The following TNFRSF8 variants were observed in gnomAD, a reference collection of about 807,000 sequenced individuals.
The protein encoded by TNFRSF8 is TNF receptor superfamily member 8.
A neutral mutation model predicts 70.8 loss-of-function variants in TNFRSF8; 26 were observed. That is an observed-to-expected ratio of 0.37 (90% CI 0.27 to 0.51). The LOEUF (loss-of-function observed/expected upper bound fraction) is 0.51, where lower values mean the gene tolerates loss of function less well. TNFRSF8 is among the 20% of genes least tolerant of loss of function. The probability of loss-of-function intolerance (pLI) is 0.94; values close to 1 mark genes in which losing one functional copy is unlikely to be tolerated. For missense variants in TNFRSF8, 720 were observed against 807.9 expected, an observed-to-expected ratio of 0.89 and a Z score of 1.32; for synonymous variants, 356 against 339.2, an observed-to-expected ratio of 1.05 and a Z score of -0.54.
Position 12,142,268 on chromosome 1 carries a change from C to T in TNFRSF8, c.1544-19C>T, listed in dbSNP as rs756073659. 16 of 1,566,898 alleles carry T rather than the reference C, an allele frequency of 1.0e-5. No homozygotes were observed. The East Asian group carries it at 2.3e-4, about 22-fold the overall frequency. On this transcript the variant is annotated intron_variant, in intron 14 of 14. Transcript: ENST00000263932. The surrounding 1 kb of genome is among the most constrained non-coding windows in gnomAD (Gnocchi z 5.0). ...TGGTGCTCTGGCCTCCCTCGCTCAC[C>T]CATCCTTTTGCCTTGCAGAGAAAAT...
chr1:12,073,023 C>CA (rs1309092271), intron 1 of TNFRSF8, among the ~76,000 whole-genome samples: 2 of 152,226 alleles, frequency 1.3e-5, no homozygotes, highest in Non-Finnish European at 2.9e-5. Flanking sequence ...CGCCAAGGCT[C>CA]ACGCCTGTAT....
rs372306901 is a variant in TNFRSF8 at position 12,123,711 on chromosome 1, G to T, written c.1041-4G>T. 3.2e-6 allele frequency: 5 copies of T among 1,557,352 alleles called. No homozygotes were observed. The highest frequency in any genetic ancestry group is 3.5e-6 in the Non-Finnish European group (4 of 1,149,596). On this transcript the variant is annotated splice_region_variant and splice_polypyrimidine_tract_variant and intron_variant, in intron 9 of 14. Transcript: ENST00000263932. ...TCACTCCTGCCTTGGGCTTCTCCCC[G>T]CAGCACCAGCCCCACTCAGAGCTTG...
At chr1:12,073,442 TCTTC>T (rs763960484) in intron 1 of TNFRSF8, among the ~76,000 whole-genome samples, 10 of 147,664 alleles carry the variant, frequency 6.8e-5, no homozygotes, top group South Asian at 2.1e-4. Flanking sequence ...CTCTCTCTTT[TCTTC>T]CTTCCTTCCT....
Position 12,110,309 on chromosome 1 carries a change from T to C in TNFRSF8, c.676+105T>C. 8.3e-7 allele frequency: 1 copy of C among 1,210,376 alleles called. No individual in the cohort carries two copies. The highest frequency in any genetic ancestry group is 1.1e-6 in the Non-Finnish European group (1 of 892,802). The allele number at this position is 1,210,376 out of a possible 1,614,324, so 75.0% of individuals were successfully genotyped here. ...CAGGCGGGCAGTGATCTGTGGTCTT[T>C]TCCTGGTGGGGAGAGAAGACGGTGG... is the stretch of plus-strand genomic sequence containing the variant. On this transcript the variant is annotated intron_variant, in intron 6 of 14. Transcript: ENST00000263932. The surrounding 1 kb of genome is among the most constrained non-coding windows in gnomAD (Gnocchi z 4.0).
intron 1 of TNFRSF8, among the ~76,000 whole-genome samples, chr1:12,064,965 T>C (rs965374653): frequency 4.0e-4 from 61 of 152,028 alleles, no homozygotes; most frequent in Admixed American, 3.7e-3. Context: ...GTGCTTCCTT[T>C]CTGTAGAGTG....
chr1:12,136,242 A>G (rs1642142756), intron 13 of TNFRSF8, among the ~76,000 whole-genome samples: 1 of 152,212 alleles, frequency 6.6e-6, no homozygotes, highest in Non-Finnish European at 1.5e-5. Context: ...GGATGTGACA[A>G]GTGGCTGTTA....
intron 2 of TNFRSF8, 78 bp from the exon 3 acceptor site, chr1:12,097,023 A>C: frequency 9.2e-7 from 1 of 1,084,322 alleles, no homozygotes; most frequent in Non-Finnish European, 1.4e-6. Context: ...GGCGTCAGGG[A>C]TGAGAGGTGT....
chr1:12,108,074 A>AT lies in TNFRSF8; in HGVS notation c.422-1485dup, dbSNP rs199941905. On this transcript the variant is annotated intron_variant, in intron 4 of 14. Transcript: ENST00000263932. The surrounding 1 kb of genome is among the most constrained non-coding windows in gnomAD (Gnocchi z 4.0). ...CGAAGTCCCACACATACAGGCCACC[A>AT]TTTTTTTATTTTTTTTTTTTTTGTG... Among the ~76,000 whole-genome samples the AT allele has an allele frequency of 6.2e-4, 90 of 146,210 alleles. 2 individuals carry two copies. The highest frequency in any genetic ancestry group is 1.9e-3 in the African/African-American group (74 of 39,776).
chr1:12,085,494 C>A (rs1641138987), intron 2 of TNFRSF8, among the ~76,000 whole-genome samples: 1 of 152,226 alleles, frequency 6.6e-6, no homozygotes, highest in African/African-American at 2.4e-5. Context: ...TCAATTAGTC[C>A]TCCTGCCTCA....
chr1:12,096,300 CT>C (rs950296999), intron 2 of TNFRSF8, among the ~76,000 whole-genome samples: 1 of 151,872 alleles, frequency 6.6e-6, no homozygotes, highest in Non-Finnish European at 1.5e-5. Context: ...GGATTAGGGT[CT>C]TAGTGGCAGG....
chr1:12,137,241 T>C (rs951827415), intron 13 of TNFRSF8, among the ~76,000 whole-genome samples: 1 of 152,164 alleles, frequency 6.6e-6, no homozygotes, highest in Non-Finnish European at 1.5e-5. Flanking sequence ...GCTCCTGTTT[T>C]GGGAAAGTAG....
At chr1:12,078,545 C>T (rs112481069) in intron 1 of TNFRSF8, among the ~76,000 whole-genome samples, 2,400 of 152,222 alleles carry the variant, frequency 0.016, 59 homozygotes, top group African/African-American at 0.054. Flanking sequence ...GCTTGGGCGA[C>T]GGAGCGAGTA....
chr1:12,087,368 G>A (rs1212743490), intron 2 of TNFRSF8, among the ~76,000 whole-genome samples: 3 of 151,832 alleles, frequency 2.0e-5, no homozygotes, highest in Admixed American at 6.6e-5. Flanking sequence ...GGGTTTCACC[G>A]TGTTGGCCAG....
In TNFRSF8 at chr1:12,106,808, G is replaced by A. The variant is rs148703954; in HGVS notation, c.421+2277G>A. Among the ~76,000 whole-genome samples the A allele has an allele frequency of 5.3e-3, 808 of 152,242 alleles. 12 individuals are homozygous for A. The highest frequency in any genetic ancestry group is 0.019 in the African/African-American group (774 of 41,550). ...GCAACTGTGGGGCATGTTCCCACCC[G>A]CCTCTGGACCTCGGTCTCCCCATCT... On this transcript the variant is annotated intron_variant, in intron 4 of 14. Coordinates refer to ENST00000263932, the MANE Select transcript of TNFRSF8 (RefSeq NM_001243.5).
At chr1:12,085,213 C>T (rs958394770) in intron 2 of TNFRSF8, among the ~76,000 whole-genome samples, 4 of 152,082 alleles carry the variant, frequency 2.6e-5, no homozygotes, top group Admixed American at 6.5e-5. Context: ...CGGGTTCAAG[C>T]GATTCTCCTG....
rs748628746 is a variant in TNFRSF8 at position 12,126,252 on chromosome 1, T to C, written c.1309+16T>C. 1 of 1,613,870 alleles carries C rather than the reference T, an allele frequency of 6.2e-7. No homozygotes were observed. Among genetic ancestry groups the C allele is most frequent in the Non-Finnish European group, 8.5e-7 (1 of 1,179,972 alleles). ...GAGCTTGTGGGTGAGTGTCCAGCCGTCCAAAGGGGCTGCCCGAGCCAGAGG... is the reference window on the plus strand; with the variant it reads ...GAGCTTGTGGGTGAGTGTCCAGCCGCCCAAAGGGGCTGCCCGAGCCAGAGG... On this transcript the variant is annotated intron_variant, in intron 12 of 14. Transcript: ENST00000263932.
At chr1:12,122,306 C>T (rs1641843897) in intron 8 of TNFRSF8, among the ~76,000 whole-genome samples, 1 of 151,914 alleles carries the variant, frequency 6.6e-6, no homozygotes, top group African/African-American at 2.4e-5. Flanking sequence ...GCTGGGATTA[C>T]AGGCGGGAGC....
intron 3 of TNFRSF8, among the ~76,000 whole-genome samples, chr1:12,100,373 A>G (rs886933536): frequency 1.3e-5 from 2 of 151,982 alleles, no homozygotes; most frequent in Non-Finnish European, 2.9e-5. Flanking sequence ...TATAAGACAC[A>G]TTTTTCTTTC....
intron 1 of TNFRSF8, among the ~76,000 whole-genome samples, chr1:12,075,893 G>T (rs778266726): frequency 2.0e-5 from 3 of 152,052 alleles, no homozygotes; most frequent in African/African-American, 4.8e-5. Flanking sequence ...ACCCCCATCC[G>T]ACTGGAGACA....
Sources: allele counts gnomAD v4.1 joint callset (sites outside exome capture counted in the v4.1 genomes callset), GRCh38; gene constraint gnomAD v4.1.1; non-coding constraint Gnocchi (gnomAD v3.1); transcripts MANE v1.5; gene names NCBI Gene and HGNC (gene_info 2026-07-23, HGNC 2026-07-21).